The following FSIP2 variants were observed in gnomAD, a reference collection of about 807,000 sequenced individuals.
The protein encoded by FSIP2 is fibrous sheath-interacting protein 2.
In FSIP2, 367 loss-of-function variants were observed where a neutral mutation model predicts 510.5. That is an observed-to-expected ratio of 0.72 (90% CI 0.66 to 0.78). The LOEUF is 0.78. Among genes scored for constraint, FSIP2 ranks in the 30% least tolerant of loss-of-function variants. The pLI is 0.00. For synonymous variants in FSIP2, 2,601 were observed against 2,732.2 expected, an observed-to-expected ratio of 0.95 and a Z score of 1.50; for missense variants, 7,594 against 7,901.7, an observed-to-expected ratio of 0.96 and a Z score of 1.48.
At position 185,797,532 on chromosome 2, in the gene FSIP2, C is replaced by T; in HGVS notation, c.10390+6C>T. On this transcript the variant is annotated splice_donor_region_variant and intron_variant, in intron 16 of 22. Transcript: ENST00000424728. ...GAAGAACTTTGAAACTACAGGTAAG[C>T]AAGAGAGAACGTACCTAAAAATTTG... is the stretch of plus-strand genomic sequence containing the variant. 2 of 1,485,850 alleles carry T rather than the reference C, an allele frequency of 1.3e-6. No homozygotes were observed. The highest frequency in any genetic ancestry group is 1.8e-6 in the Non-Finnish European group (2 of 1,129,310). 92.0% of individuals were successfully genotyped at this position (1,485,850 alleles called of 1,614,324 possible).
Position 185,794,886 on chromosome 2 carries a change from T to C in FSIP2, c.7750T>C (p.Phe2584Leu). The C allele has an allele frequency of 6.5e-7, 1 of 1,534,182 alleles. No homozygotes were observed. The highest frequency in any genetic ancestry group is 2.4e-5 in the East Asian group (1 of 40,822). ...NDSLLMKPLR[F>L]RETKQAGKIS... Reference sequence around the variant, plus strand: ...TTCCTTACTAATGAAACCATTAAGGTTTAGAGAAACTAAACAAGCAGGAAA... The same window carrying C: ...TTCCTTACTAATGAAACCATTAAGGCTTAGAGAAACTAAACAAGCAGGAAA... The change falls in exon 16 of 23, where the codon TTT becomes CTT. Residue 2584 changes from phenylalanine (F) to leucine (L), a missense_variant. Phe to Leu is a conservative substitution (Grantham distance 22). Coordinates refer to ENST00000424728, the MANE Select transcript of FSIP2 (RefSeq NM_173651.4).
Position 185,792,546 on chromosome 2 carries a change from C to T in FSIP2, c.5410C>T (p.His1804Tyr), listed in dbSNP as rs188365373. 5 of 1,530,938 alleles carry T rather than the reference C, an allele frequency of 3.3e-6. No individual in the cohort carries two copies. The highest frequency in any genetic ancestry group is 4.4e-6 in the Non-Finnish European group (5 of 1,143,040). 94.8% of individuals were successfully genotyped at this position (1,530,938 alleles called of 1,614,324 possible). The part of the protein sequence containing the change: ...INQLNVLSLS[H>Y]SNFNGMPHNV... ...TCAATTAAATGTCCTTTCTCTCTCC[C>T]ACTCTAATTTTAATGGCATGCCTCA... Residue 1804 changes from histidine (H) to tyrosine (Y), a missense_variant, in exon 16 of 23, where the codon CAC becomes TAC. By Grantham distance (83) the His-to-Tyr change is moderately conservative. Transcript: ENST00000424728.
At chr2:185,812,329 G>A (rs1693748738) in intron 17 of FSIP2, among the ~76,000 whole-genome samples, 1 of 152,110 alleles carries the variant, frequency 6.6e-6, no homozygotes, top group South Asian at 2.1e-4. Flanking sequence ...GGACTTGTTT[G>A]AGGCCTGTAG....
In FSIP2 at chr2:185,747,406, G is replaced by A; in HGVS notation, c.853G>A (p.Glu285Lys). Residue 285 changes from glutamate (E) to lysine (K), a missense_variant, in exon 7 of 23, where the codon GAA (glutamate) becomes AAA (lysine). By Grantham distance (56) the Glu-to-Lys change is moderately conservative. Transcript: ENST00000424728. ...AGAAGAACAACAGCATAGAAACAGA[G>A]AAGAGAGTGACAGGAAGGTAGGGTG... ...RIEEQQHRNREESDRKKQDLL... is the reference protein window; with the variant it reads ...RIEEQQHRNRKESDRKKQDLL... 6.6e-7 allele frequency: 1 copy of A among 1,519,120 alleles called. No individual in the cohort carries two copies. The highest frequency in any genetic ancestry group is 8.8e-7 in the Non-Finnish European group (1 of 1,131,454). 94.1% of individuals were successfully genotyped at this position (1,519,120 alleles called of 1,614,324 possible). A position where few individuals can be genotyped will look rare whatever the true frequency, so the allele number is the denominator to read the frequency against.
Position 185,788,796 on chromosome 2 carries a change from G to C in FSIP2, c.1660G>C (p.Asp554His). 5.2e-6 allele frequency: 8 copies of C among 1,531,932 alleles called. No homozygotes were observed. Among genetic ancestry groups the C allele is most frequent in the Non-Finnish European group, 7.0e-6 (8 of 1,143,998 alleles). 94.9% of individuals were successfully genotyped at this position (1,531,932 alleles called of 1,614,324 possible). A position where few individuals can be genotyped will look rare whatever the true frequency, so the allele number is the denominator to read the frequency against. Residue 554 changes from aspartate (D) to histidine (H), a missense_variant, in exon 16 of 23, where the codon GAT becomes CAT. Coordinates refer to ENST00000424728, the MANE Select transcript of FSIP2 (RefSeq NM_173651.4). ...ATCTGATGACTCCATCCTCTCTTCA[G>C]ATAGTTCAAGTTTCTGTAGCACGTG... ...PVSDDSILSS[D>H]SSSFCSTCSE...
chr2:185,815,488 C>A lies in FSIP2; in HGVS notation c.20426+17C>A. On this transcript the variant is annotated intron_variant, in intron 19 of 22. Coordinates refer to ENST00000424728, the MANE Select transcript of FSIP2 (RefSeq NM_173651.4). ...ATCTACTGGGTATATGAAATTAAAG[C>A]AGTAGAAATATAGAAATCTGATAAA... 8.7e-7 allele frequency: 1 copy of A among 1,143,882 alleles called. No homozygotes were observed. The highest frequency in any genetic ancestry group is 1.3e-6 in the Non-Finnish European group (1 of 791,000). 70.9% of individuals were successfully genotyped at this position (1,143,882 alleles called of 1,614,324 possible). A position where few individuals can be genotyped will look rare whatever the true frequency, so the allele number is the denominator to read the frequency against.
In FSIP2 at chr2:185,820,407, A is replaced by G. The variant is rs538088968; in HGVS notation, c.20427-4027A>G. Among the ~76,000 whole-genome samples, 17 of 151,976 alleles carry G rather than the reference A, an allele frequency of 1.1e-4. 1 individual carries two copies. In the South Asian group the frequency reaches 1.7e-3, roughly 15 times the overall value. ...ATTACCCAGTCTCAGGCAGACCTTT[A>G]TAGCAGCATGAGAACAGACTAATAT... On this transcript the variant is annotated intron_variant, in intron 19 of 22. Coordinates refer to ENST00000424728, the MANE Select transcript of FSIP2 (RefSeq NM_173651.4).
In FSIP2 at chr2:185,793,366, T is replaced by C; in HGVS notation, c.6230T>C (p.Leu2077Pro). The C allele has an allele frequency of 6.5e-7, 1 of 1,533,968 alleles. No homozygotes were observed. The highest frequency in any genetic ancestry group is 8.7e-7 in the Non-Finnish European group (1 of 1,145,546). ...CAAAAAGGTGTTATTGAAAAGCTGC[T>C]CAATGAGACCAAATATCGAAAAGTA... ...DQQKGVIEKL[L>P]NETKYRKVLQ... is the part of the protein sequence containing the mutation. The change falls in exon 16 of 23, where the codon CTC (leucine) becomes CCC (proline). Residue 2077 changes from leucine (L) to proline (P), a missense_variant. By Grantham distance (98) the Leu-to-Pro change is moderately conservative. Transcript: ENST00000424728.
intron 18 of FSIP2, 64 bp downstream of exon 18, chr2:185,814,106 G>T: frequency 6.9e-7 from 1 of 1,458,900 alleles, no homozygotes; most frequent in Non-Finnish European, 9.3e-7. Flanking sequence ...TCTGGCCCAA[G>T]AATGTACCTT....
intron 13 of FSIP2, chr2:185,765,491 C>G (rs1204420317): frequency 6.6e-6 from 1 of 151,886 alleles, no homozygotes; most frequent in African/African-American, 2.4e-5. Flanking sequence ...CTGTTCTGTT[C>G]CATTGATCTA....
chr2:185,797,204 G>T lies in FSIP2; in HGVS notation c.10068G>T (p.Met3356Ile), dbSNP rs1310494864. The stretch of plus-strand genomic sequence containing the variant: ...ACACTAATGAGAACAGGGAAATAAT[G>T]AAACCATTTTTCATATCAAAACAAA... ...QPHTNENREI[M>I]KPFFISKQSS... The change falls in exon 16 of 23, where the codon ATG becomes ATT. Residue 3356 changes from methionine (M) to isoleucine (I), a missense_variant. By Grantham distance (10) the Met-to-Ile change is conservative. Coordinates refer to ENST00000424728, the MANE Select transcript of FSIP2 (RefSeq NM_173651.4). The T allele has an allele frequency of 6.5e-7, 1 of 1,535,000 alleles. No individual in the cohort carries two copies.
In FSIP2 at chr2:185,795,189, A is replaced by G. The variant is rs1693238421; in HGVS notation, c.8053A>G (p.Ser2685Gly). 1 of 1,534,742 alleles carries G rather than the reference A, an allele frequency of 6.5e-7. No individual in the cohort carries two copies. The highest frequency in any genetic ancestry group is 8.7e-7 in the Non-Finnish European group (1 of 1,146,126). Reference protein sequence around the residue: ...KFTKKTHLGLSAAKAKSKTKL... With the variant: ...KFTKKTHLGLGAAKAKSKTKL... ...TACAAAAAAAACACACTTAGGACTG[A>G]GTGCTGCTAAGGCCAAAAGCAAAAC... Residue 2685 changes from serine to glycine, a missense_variant, in exon 16 of 23, where the codon AGT becomes GGT. Coordinates refer to ENST00000424728, the MANE Select transcript of FSIP2 (RefSeq NM_173651.4).
chr2:185,794,681 A>G lies in FSIP2; in HGVS notation c.7545A>G (p.Ile2515Met). 1 of 1,533,834 alleles carries G rather than the reference A, an allele frequency of 6.5e-7. No homozygotes were observed. Among genetic ancestry groups the G allele is most frequent in the Non-Finnish European group, 8.7e-7 (1 of 1,145,528 alleles). ...CACTTAATGAAACTGCCAACTTTAT[A>G]TCTAATTCTAAGATTAAAACATCAG... ...LPPLNETANF[I>M]SNSKIKTSDT... Residue 2515 changes from isoleucine to methionine, a missense_variant, in exon 16 of 23, where the codon ATA (isoleucine) becomes ATG (methionine). Ile to Met is a conservative substitution (Grantham distance 10). Coordinates refer to ENST00000424728, the MANE Select transcript of FSIP2 (RefSeq NM_173651.4).
At chr2:185,738,481 T>A, upstream of FSIP2, 2 of 876,734 alleles carry the variant, frequency 2.3e-6, no homozygotes, top group Non-Finnish European at 3.4e-6. Context: ...TGGGGGAAGA[T>A]GTAGAATGGG....
chr2:185,787,366 CAAGT>C (rs1693013750), intron 15 of FSIP2, among the ~76,000 whole-genome samples: 1 of 151,674 alleles, frequency 6.6e-6, no homozygotes. Context: ...CAAATGCTTT[CAAGT>C]GAGTCAGAAG....
Position 185,802,062 on chromosome 2 carries a change from A to G in FSIP2, c.12756A>G (p.Gln4252=). The change falls in exon 17 of 23, where the codon CAA becomes CAG. Residue 4252 remains glutamine, a synonymous_variant. Transcript: ENST00000424728. ...ACCAAATAGCCAGCTTTATCATCCAAGAGATTATCGAAAATCATCTTCAAC... is the reference window on the plus strand; with the variant it reads ...ACCAAATAGCCAGCTTTATCATCCAGGAGATTATCGAAAATCATCTTCAAC... The part of the protein sequence containing the change: ...MIDQIASFII[Q]EIIENHLQPF... 6.5e-7 allele frequency: 1 copy of G among 1,533,434 alleles called. No homozygotes were observed. The highest frequency in any genetic ancestry group is 8.7e-7 in the Non-Finnish European group (1 of 1,145,188). 95.0% of individuals were successfully genotyped at this position (1,533,434 alleles called of 1,614,324 possible). A position where few individuals can be genotyped will look rare whatever the true frequency, so the allele number is the denominator to read the frequency against.
Position 185,805,804 on chromosome 2 carries a change from A to T in FSIP2, c.16498A>T (p.Lys5500Ter). 1 of 1,603,108 alleles carries T rather than the reference A, an allele frequency of 6.2e-7. No homozygotes were observed. The highest frequency in any genetic ancestry group is 8.5e-7 in the Non-Finnish European group (1 of 1,176,480). Reference protein sequence around the residue: ...PVLSSINAIMKSGMINLTSGL... With the variant: ...PVLSSINAIM ...ACTTAGCTCTATAAATGCAATTATG[A>T]AAAGCGGCATGATTAACCTAACATC... The change falls in exon 17 of 23, where the codon AAA (lysine) becomes TAA (stop). Residue 5500 changes from lysine to a stop codon, truncating the protein, a stop_gained. Transcript: ENST00000424728. LOFTEE classifies it high-confidence loss of function.
At chr2:185,785,870 G>C (rs955332869) in intron 14 of FSIP2, among the ~76,000 whole-genome samples, 1 of 151,942 alleles carries the variant, frequency 6.6e-6, no homozygotes, top group Non-Finnish European at 1.5e-5. Flanking sequence ...CTGGTCAGAT[G>C]CCTTGCTACT....
Position 185,804,174 on chromosome 2 carries a change from C to G in FSIP2, c.14868C>G (p.Leu4956=). ...TTTTGGAGGAAGTAATTTCTGAGCTCTTATGCAAAATTCTTTATGCATTTT... is the reference window on the plus strand; with the variant it reads ...TTTTGGAGGAAGTAATTTCTGAGCTGTTATGCAAAATTCTTTATGCATTTT... The part of the protein sequence containing the change: ...SVFLEEVISE[L]LCKILYAFSH... The change falls in exon 17 of 23, where the codon CTC becomes CTG. Residue 4956 remains leucine, a synonymous_variant. Coordinates refer to ENST00000424728, the MANE Select transcript of FSIP2 (RefSeq NM_173651.4). The G allele has an allele frequency of 6.6e-7, 1 of 1,511,386 alleles. No individual in the cohort carries two copies. The highest frequency in any genetic ancestry group is 8.8e-7 in the Non-Finnish European group (1 of 1,135,992). The allele number at this position is 1,511,386 out of a possible 1,614,324, so 93.6% of individuals were successfully genotyped here.
Sources: gnomAD v4.1 joint callset for allele counts (sites outside exome capture counted in the v4.1 genomes callset) on GRCh38, gnomAD v4.1.1 for gene constraint, MANE v1.5 for transcripts, NCBI Gene and HGNC (gene_info 2026-07-23, HGNC 2026-07-21) for gene names.